SPAG9: variants seen among roughly 807,000 people sequenced by gnomAD.
The protein encoded by SPAG9 is C-Jun-amino-terminal kinase-interacting protein 4.
A neutral mutation model predicts 166.5 loss-of-function variants in SPAG9; 35 were observed. The ratio of observed to expected loss-of-function variants is 0.21; its 90% confidence interval spans 0.16 to 0.28. The LOEUF (loss-of-function observed/expected upper bound fraction) is 0.28, where lower values mean the gene tolerates loss of function less well. Ranked by LOEUF, SPAG9 falls within the 10% of genes least tolerant of loss-of-function variation. SPAG9 has a pLI of 1.00. For synonymous variants in SPAG9, 534 were observed against 565.5 expected (o/e 0.94, Z 0.79); for missense variants, 1,235 against 1,603.3 (o/e 0.77, Z 3.92).
intron 2 of SPAG9, among the ~76,000 whole-genome samples, chr17:51,079,248 G>GTTTTTTT (rs2048098199): frequency 6.6e-6 from 1 of 150,438 alleles, no homozygotes; most frequent in Non-Finnish European, 1.5e-5. Context: ...TTTTTTTCTG[G>GTTTTTTT]GGGGTGGGGG....
chr17:50,976,015 C>T, intron 27 of SPAG9: 1 of 776,552 alleles, frequency 1.3e-6, no homozygotes, highest in Non-Finnish European at 2.2e-6. Context: ...TGCTCAAAGC[C>T]CCTAACGAAA....
At chr17:51,075,195 C>CAA (rs57533555) in intron 2 of SPAG9, among the ~76,000 whole-genome samples, 641 of 28,906 alleles carry the variant, frequency 0.022, 77 homozygotes, top group Middle Eastern at 0.053. Flanking sequence ...GACTCCATCT[C>CAA]AAAAAAAAAA....
At chr17:51,088,044 C>G (rs1378006227) in intron 1 of SPAG9, among the ~76,000 whole-genome samples, 1 of 152,138 alleles carries the variant, frequency 6.6e-6, no homozygotes, top group Non-Finnish European at 1.5e-5. Context: ...CATGCCTGGC[C>G]CTGACCCTCT....
intron 21 of SPAG9, among the ~76,000 whole-genome samples, chr17:50,988,405 G>C (rs953420758): frequency 6.6e-6 from 1 of 152,010 alleles, no homozygotes; most frequent in African/African-American, 2.4e-5. Flanking sequence ...TATACACTAA[G>C]AATATTAAAC....
At chr17:51,102,312 G>A (rs1439669686) in intron 1 of SPAG9, among the ~76,000 whole-genome samples, 2 of 150,872 alleles carry the variant, frequency 1.3e-5, no homozygotes, top group Admixed American at 6.6e-5. Context: ...GCTGAGGCAC[G>A]AGAATCGCTT....
chr17:50,998,751 T>A, intron 14 of SPAG9, 134 bp from the exon 15 acceptor site: 1 of 754,366 alleles, frequency 1.3e-6, no homozygotes. Flanking sequence ...CAAAAACAGT[T>A]TTTGTAGTCA....
intron 24 of SPAG9, among the ~76,000 whole-genome samples, chr17:50,983,330 C>T (rs1318961633): frequency 6.6e-6 from 1 of 152,228 alleles, no homozygotes; most frequent in Non-Finnish European, 1.5e-5. Flanking sequence ...CCAGTACAAA[C>T]TTCTTCGTTA....
At chr17:51,073,136 G>A (rs913780181) in intron 2 of SPAG9, among the ~76,000 whole-genome samples, 1 of 152,128 alleles carries the variant, frequency 6.6e-6, no homozygotes, top group Non-Finnish European at 1.5e-5. Context: ...GGCCAGCCTG[G>A]CTAACACGGT....
At chr17:50,969,944 G>A (rs1973651608) in intron 29 of SPAG9, among the ~76,000 whole-genome samples, 1 of 152,140 alleles carries the variant, frequency 6.6e-6, no homozygotes, top group Non-Finnish European at 1.5e-5. Flanking sequence ...TCTATTAGAC[G>A]AAGGCTTTGT....
chr17:51,002,913 T>G (rs1484513387), intron 12 of SPAG9, among the ~76,000 whole-genome samples: 2 of 151,200 alleles, frequency 1.3e-5, no homozygotes, highest in Non-Finnish European at 2.9e-5. Context: ...AGATCCCATC[T>G]CTACAGAAAA....
chr17:50,984,953 C>T lies in SPAG9; in HGVS notation c.3058G>A (p.Gly1020Ser). The T allele has an allele frequency of 3.1e-6, 5 of 1,614,074 alleles. No individual in the cohort carries two copies. The highest frequency in any genetic ancestry group is 4.2e-6 in the Non-Finnish European group (5 of 1,179,996). ...CCTCTGTGAAAGATTGCAAGGGTGCCGTCAGCCAGGGCTACTAACACGATT... is the reference window on the plus strand; with the variant it reads ...CCTCTGTGAAAGATTGCAAGGGTGCTGTCAGCCAGGGCTACTAACACGATT... ...KGIVLVALAD[G>S]TLAIFHRGVD... is the part of the protein sequence containing the mutation. Residue 1020 changes from glycine (G) to serine (S), a missense_variant, in exon 24 of 30, where the codon GGC becomes AGC. Coordinates refer to ENST00000262013, the MANE Select transcript of SPAG9 (RefSeq NM_001130528.3).
At chr17:51,008,981 CAGTT>C in intron 9 of SPAG9, 1 of 313,118 alleles carries the variant, frequency 3.2e-6, no homozygotes, top group South Asian at 2.9e-5. Context: ...AACTCTCAAG[CAGTT>C]AGATAAGCGT....
Position 50,987,102 on chromosome 17 carries a change from T to C in SPAG9, c.2939+10A>G. 1.9e-6 allele frequency: 3 copies of C among 1,601,478 alleles called. No individual in the cohort carries two copies. The highest frequency in any genetic ancestry group is 2.5e-6 in the Non-Finnish European group (3 of 1,176,496). ...CAACATATTCTAATGTTAAAAGCAT[T>C]GACACCTACCAGCCATTTTGAGCTC... On this transcript the variant is annotated intron_variant, in intron 22 of 29. Transcript: ENST00000262013.
At chr17:50,999,558 AT>A in intron 14 of SPAG9, 102 bp downstream of exon 14, 1 of 1,327,092 alleles carries the variant, frequency 7.5e-7, no homozygotes, top group Non-Finnish European at 1.0e-6. Context: ...AAAAAAAAAA[AT>A]GAAGGAAAGA....
Position 50,995,612 on chromosome 17 carries a change from G to C in SPAG9, c.1969-79C>G, listed in dbSNP as rs116735691. 8.4e-4 allele frequency: 724 copies of C among 860,732 alleles called. 1 individual carries two copies. The African/African-American group carries it at 0.011, about 13-fold the overall frequency. 53.3% of individuals were successfully genotyped at this position (860,732 alleles called of 1,614,324 possible). ...AGTGAACTTATTACAGATCCACTGA[G>C]ACATGAGCAAGCACTGCTGTTATTT... is the stretch of plus-strand genomic sequence containing the variant. On this transcript the variant is annotated intron_variant, in intron 16 of 29. Coordinates refer to ENST00000262013, the MANE Select transcript of SPAG9 (RefSeq NM_001130528.3).
intron 27 of SPAG9, chr17:50,976,860 T>G: frequency 3.0e-6 from 1 of 334,678 alleles, no homozygotes; most frequent in Non-Finnish European, 5.5e-6. Flanking sequence ...TTTCAAAAGA[T>G]GAAATAGGAC....
chr17:50,963,561 C>T lies in SPAG9; in HGVS notation c.*2711G>A, dbSNP rs1257889557. ...ATCTTTAGATAAAACAACTACACAC[C>T]TATATTACTTAAGTTAAAGCCAGTA... On this transcript the variant is annotated 3_prime_UTR_variant, in exon 30 of 30. Transcript: ENST00000262013. 1 of 152,162 alleles carries T rather than the reference C, an allele frequency of 6.6e-6. No individual in the cohort carries two copies. Among genetic ancestry groups the T allele is most frequent in the Non-Finnish European group, 1.5e-5 (1 of 68,036 alleles). The allele number at this position is 152,162 out of a possible 1,614,324, so 9.4% of individuals were successfully genotyped here. A position where few individuals can be genotyped will look rare whatever the true frequency, so the allele number is the denominator to read the frequency against.
At chr17:51,004,032 T>C (rs2045083619) in intron 12 of SPAG9, among the ~76,000 whole-genome samples, 1 of 152,224 alleles carries the variant, frequency 6.6e-6, no homozygotes, top group South Asian at 2.1e-4. Context: ...ACTACAGCAC[T>C]GTACTACACG....
chr17:51,030,395 T>A (rs2046338981), intron 6 of SPAG9, among the ~76,000 whole-genome samples: 1 of 152,134 alleles, frequency 6.6e-6, no homozygotes, highest in Admixed American at 6.5e-5. Flanking sequence ...TTAAGCCAAA[T>A]GAAAATAAAG....
Sources: allele counts gnomAD v4.1 joint callset (sites outside exome capture counted in the v4.1 genomes callset), GRCh38; gene constraint gnomAD v4.1.1; transcripts MANE v1.5; gene names NCBI Gene and HGNC (gene_info 2026-07-23, HGNC 2026-07-21).